ANKFN1: variants seen among roughly 807,000 people sequenced by gnomAD.
ANKFN1 encodes ankyrin repeat and fibronectin type III domain containing 1, also known as ankyrin repeat and fibronectin type-III domain-containing protein 1.
Under a neutral mutation model 108.7 loss-of-function variants are expected in ANKFN1, and 74 were observed. The ratio of observed to expected loss-of-function variants is 0.68; its 90% CI spans 0.56 to 0.83. The LOEUF is 0.83. ANKFN1 is among the 40% of genes least tolerant of loss of function. ANKFN1 has a pLI of 0.00. For missense variants in ANKFN1, 1,505 were observed against 1,382.3 expected (o/e 1.09, Z -1.41); for synonymous variants, 547 against 516.2 (o/e 1.06, Z -0.81).
At chr17:56,296,636 A>G (rs2044517451) in intron 3 of ANKFN1, among the ~76,000 whole-genome samples, 1 of 152,182 alleles carries the variant, frequency 6.6e-6, no homozygotes, top group Admixed American at 6.5e-5. Context: ...GTGGGCTGAG[A>G]TCACACCACT....
At chr17:56,368,745 C>A (rs990707052) in intron 6 of ANKFN1, among the ~76,000 whole-genome samples, 1 of 152,008 alleles carries the variant, frequency 6.6e-6, no homozygotes, top group African/African-American at 2.4e-5. Flanking sequence ...CATGTATATA[C>A]CTTGTTGTGT....
intron 1 of ANKFN1, 166 bp downstream of exon 1, chr17:56,153,696 G>A: frequency 1.1e-6 from 1 of 908,374 alleles, no homozygotes; most frequent in Non-Finnish European, 1.7e-6. Flanking sequence ...CTGTAAACAG[G>A]CAAATGTTGA....
In ANKFN1 at chr17:56,350,905, T is replaced by C; in HGVS notation, c.328T>C (p.Ser110Pro). 1 of 1,613,850 alleles carries C rather than the reference T, an allele frequency of 6.2e-7. No individual in the cohort carries two copies. The highest frequency in any genetic ancestry group is 8.5e-7 in the Non-Finnish European group (1 of 1,179,878). The change falls in exon 5 of 21, where the codon TCC (serine) becomes CCC (proline). Residue 110 changes from serine to proline, a missense_variant. Coordinates refer to ENST00000682825, the MANE Select transcript of ANKFN1 (RefSeq NM_001370326.1). ...LSEKLKGSHS[S>P]FDEAYFRTRT... ...TGAGAAACTGAAAGGGAGCCACTCT[T>C]CCTTCGATGAGGCCTATTTTAGGAC...
intron 4 of ANKFN1, among the ~76,000 whole-genome samples, chr17:56,329,166 A>G (rs1374856540): frequency 6.6e-6 from 1 of 152,128 alleles, no homozygotes; most frequent in Non-Finnish European, 1.5e-5. Flanking sequence ...GATTCTTATC[A>G]TGGCATGCAA....
At chr17:56,195,790 A>G (rs573137056) in intron 1 of ANKFN1, among the ~76,000 whole-genome samples, 1 of 152,254 alleles carries the variant, frequency 6.6e-6, no homozygotes, top group Non-Finnish European at 1.5e-5. Context: ...ATTCCATAAC[A>G]GGGCATGTAT....
At chr17:56,467,405 C>T (rs8065936) in intron 15 of ANKFN1, among the ~76,000 whole-genome samples, 8,341 of 151,894 alleles carry the variant, frequency 0.055, 482 homozygotes, top group African/African-American at 0.15. Flanking sequence ...AGAGGCTGGG[C>T]GCAGTGGCTC....
chr17:56,065,401 C>CT (rs1905044105), intron 4 of ANKFN1, among the ~76,000 whole-genome samples: 1 of 152,156 alleles, frequency 6.6e-6, no homozygotes, highest in African/African-American at 2.4e-5. Context: ...AGGAGTAACA[C>CT]TTTTTATCTC....
chr17:56,124,501 A>G (rs1013325448), intron 4 of ANKFN1, among the ~76,000 whole-genome samples: 22 of 152,106 alleles, frequency 1.4e-4, no homozygotes, highest in Admixed American at 7.2e-4. Flanking sequence ...CTGCCGGTTT[A>G]CTCAGCCCAC....
At chr17:56,053,708 G>GT (rs1025883987) in intron 4 of ANKFN1, among the ~76,000 whole-genome samples, 93 of 151,866 alleles carry the variant, frequency 6.1e-4, no homozygotes, top group African/African-American at 2.0e-3. Flanking sequence ...TGTATTTTTA[G>GT]TTTTTTTTGA....
chr17:56,301,032 G>T (rs2044656425), intron 3 of ANKFN1, among the ~76,000 whole-genome samples: 1 of 152,164 alleles, frequency 6.6e-6, no homozygotes, highest in Non-Finnish European at 1.5e-5. Context: ...ACAGAATTTG[G>T]CATGCTTGTA....
At chr17:56,437,745 G>A (rs1228331698) in intron 8 of ANKFN1, among the ~76,000 whole-genome samples, 1 of 151,882 alleles carries the variant, frequency 6.6e-6, no homozygotes, top group Non-Finnish European at 1.5e-5. Flanking sequence ...TTTGAAAAAT[G>A]GAAACATACA....
At chr17:56,225,970 A>G (rs1379626988) in intron 2 of ANKFN1, among the ~76,000 whole-genome samples, 2 of 152,222 alleles carry the variant, frequency 1.3e-5, no homozygotes, top group African/African-American at 2.4e-5. Flanking sequence ...TTTGTGGCCA[A>G]AGAACGCATT....
chr17:56,181,314 A>G (rs538643679), intron 1 of ANKFN1, among the ~76,000 whole-genome samples: 1 of 152,336 alleles, frequency 6.6e-6, no homozygotes, highest in African/African-American at 2.4e-5. Flanking sequence ...CTTTTTTAAA[A>G]AAAGTACACA....
rs906502171 is a variant in ANKFN1, at chr17:56,108,847, C to T, written c.288+62522C>T. On this transcript the variant is annotated intron_variant, in intron 4 of 12. Transcript: ENST00000635860. The stretch of plus-strand genomic sequence containing the variant: ...TGCTTTATAAGCTGAACCTGTTTCT[C>T]GGCATCTTTCTGAATTCTTTCAGCA... 5.3e-5 allele frequency among the ~76,000 whole-genome samples: 8 copies of T among 152,260 alleles called. No homozygotes were observed. The East Asian group carries it at 5.8e-4, about 11-fold the overall frequency.
At chr17:56,421,913 G>T (rs1030320252) in intron 8 of ANKFN1, among the ~76,000 whole-genome samples, 2 of 152,130 alleles carry the variant, frequency 1.3e-5, no homozygotes, top group African/African-American at 2.4e-5. Flanking sequence ...CGAGCTAAGG[G>T]GGGATATAAC....
intron 4 of ANKFN1, among the ~76,000 whole-genome samples, chr17:56,343,755 C>T (rs1233604980): frequency 6.6e-6 from 1 of 151,788 alleles, no homozygotes; most frequent in African/African-American, 2.4e-5. Context: ...GCACTCTTCA[C>T]ATTTCTTCAT....
chr17:56,488,181 A>G (rs1422307483), intron 18 of ANKFN1, among the ~76,000 whole-genome samples: 1 of 152,214 alleles, frequency 6.6e-6, no homozygotes, highest in African/African-American at 2.4e-5. Flanking sequence ...CTGACACTGG[A>G]TATCATGAGA....
chr17:56,370,801 T>C (rs1425435389), intron 6 of ANKFN1, among the ~76,000 whole-genome samples: 1 of 152,226 alleles, frequency 6.6e-6, no homozygotes, highest in Non-Finnish European at 1.5e-5. Context: ...GCTTCAGTCA[T>C]AGCAGACTCT....
At chr17:56,098,979 A>G (rs1471814885) in intron 4 of ANKFN1, among the ~76,000 whole-genome samples, 2 of 152,166 alleles carry the variant, frequency 1.3e-5, no homozygotes, top group South Asian at 2.1e-4. Flanking sequence ...AGTGAGCTGC[A>G]TCTTTCCAGC....
Sources: gnomAD v4.1 joint callset for allele counts (sites outside exome capture counted in the v4.1 genomes callset) on GRCh38, gnomAD v4.1.1 for gene constraint, MANE v1.5 for transcripts, NCBI Gene and HGNC (gene_info 2026-07-23, HGNC 2026-07-21) for gene names.